The following INSYN2B variants were observed in gnomAD, a reference collection of about 807,000 sequenced individuals.
INSYN2B encodes the protein protein INSYN2B.
In INSYN2B, 16 loss-of-function variants were observed where a neutral mutation model predicts 41.2. The ratio of observed to expected loss-of-function variants is 0.39; its 90% CI spans 0.26 to 0.59. The LOEUF is 0.59. Ranked by LOEUF, INSYN2B falls within the 20% of genes least tolerant of loss-of-function variation. The pLI, the probability that INSYN2B is intolerant of heterozygous loss-of-function variation, is 0.57. For missense variants in INSYN2B, 608 were observed against 646.4 expected (o/e 0.94, Z 0.64); for synonymous variants, 245 against 244.4 (o/e 1.00, Z -0.02).
intron 3 of INSYN2B, 123 bp from the exon 4 acceptor site, chr5:169,864,582 G>A (rs1240984834): frequency 2.7e-6 from 2 of 754,282 alleles, no homozygotes; most frequent in African/African-American, 1.8e-5. Context: ...AGATCCTTAG[G>A]TACCTACTGG....
intron 1 of INSYN2B, among the ~76,000 whole-genome samples, chr5:169,924,964 T>C (rs1561828307): frequency 6.6e-6 from 1 of 152,216 alleles, no homozygotes; most frequent in Admixed American, 6.5e-5. Flanking sequence ...TTCCTGGGGA[T>C]GTTCCAATCT....
chr5:169,875,218 A>G (rs565274547), intron 3 of INSYN2B: 108 of 456,480 alleles, frequency 2.4e-4, no homozygotes, highest in Admixed American at 7.8e-4. Context: ...TGAACCAACC[A>G]TTCCCAGGGA....
intron 3 of INSYN2B, among the ~76,000 whole-genome samples, chr5:169,870,151 C>T (rs1397648250): frequency 6.6e-6 from 1 of 152,132 alleles, no homozygotes; most frequent in Non-Finnish European, 1.5e-5. Context: ...CCTTCACATC[C>T]AAGGAGATGT....
chr5:169,901,213 G>A (rs1033954654), intron 1 of INSYN2B, among the ~76,000 whole-genome samples: 20 of 152,200 alleles, frequency 1.3e-4, no homozygotes, highest in African/African-American at 4.6e-4. Flanking sequence ...CCAGGCAAAC[G>A]AACATTGTGC....
chr5:169,875,687 C>G (rs1247523706), intron 3 of INSYN2B: 3 of 171,798 alleles, frequency 1.7e-5, no homozygotes, highest in African/African-American at 7.2e-5. Flanking sequence ...TTTAATCAAT[C>G]TCATCATTGT....
intron 3 of INSYN2B, among the ~76,000 whole-genome samples, chr5:169,879,910 A>T (rs550980900): frequency 5.8e-4 from 89 of 152,298 alleles, no homozygotes; most frequent in African/African-American, 1.9e-3. Flanking sequence ...AAAATACATT[A>T]TCTGGCTCCG....
intron 1 of INSYN2B, among the ~76,000 whole-genome samples, chr5:169,945,860 G>A (rs1430296218): frequency 6.6e-6 from 1 of 152,110 alleles, no homozygotes; most frequent in Non-Finnish European, 1.5e-5. Flanking sequence ...TTCTTGACTC[G>A]TCCTTATTTG....
At chr5:169,977,863 C>T (rs1271999670) in intron 1 of INSYN2B, among the ~76,000 whole-genome samples, 2 of 152,140 alleles carry the variant, frequency 1.3e-5, no homozygotes, top group African/African-American at 4.8e-5. Context: ...CCAAAGCCTC[C>T]CACTTCCAGT....
intron 1 of INSYN2B, among the ~76,000 whole-genome samples, chr5:169,929,343 C>G (rs1775629032): frequency 6.6e-6 from 1 of 152,094 alleles, no homozygotes. Flanking sequence ...CAGACAAATC[C>G]CATAGCTTTT....
chr5:169,951,747 T>C (rs1776676351), intron 1 of INSYN2B, among the ~76,000 whole-genome samples: 1 of 152,228 alleles, frequency 6.6e-6, no homozygotes, highest in Admixed American at 6.5e-5. Context: ...GCTCAAGTTT[T>C]GACTTATATT....
intron 1 of INSYN2B, among the ~76,000 whole-genome samples, chr5:169,928,218 C>A (rs1156885316): frequency 6.6e-6 from 1 of 152,198 alleles, no homozygotes; most frequent in Non-Finnish European, 1.5e-5. Flanking sequence ...AGCCTCAATG[C>A]ACCAGCAGGA....
intron 1 of INSYN2B, among the ~76,000 whole-genome samples, chr5:169,909,351 T>A (rs1336907713): frequency 6.6e-6 from 1 of 152,216 alleles, no homozygotes; most frequent in Non-Finnish European, 1.5e-5. Context: ...TAGCACTGGA[T>A]CAGAGTGATT....
At chr5:169,954,880 A>T (rs772873494) in intron 1 of INSYN2B, among the ~76,000 whole-genome samples, 6 of 152,166 alleles carry the variant, frequency 3.9e-5, no homozygotes, top group Non-Finnish European at 7.3e-5. Flanking sequence ...AGTGACTTGA[A>T]CCCACAGCCA....
chr5:169,883,810 C>A lies in INSYN2B; in HGVS notation c.89G>T (p.Arg30Leu). The A allele has an allele frequency of 6.4e-7, 1 of 1,550,724 alleles. No homozygotes were observed. The highest frequency in any genetic ancestry group is 1.2e-5 in the South Asian group (1 of 83,960). Reference sequence around the variant, plus strand: ...TCTCACCTGCTGGGATTTGCTCCTGCGGTGGTGAGGTTGTTTCACAAACTC... The same window carrying A: ...TCTCACCTGCTGGGATTTGCTCCTGAGGTGGTGAGGTTGTTTCACAAACTC... The part of the protein sequence containing the change: ...SVEFVKQPHH[R>L]RSKSQQVRFK... The change falls in exon 2 of 4, where the codon CGC (arginine) becomes CTC (leucine). Residue 30 changes from arginine to leucine, a missense_variant. Arg to Leu is a moderately radical substitution (Grantham distance 102). Coordinates refer to ENST00000377365, the MANE Select transcript of INSYN2B (RefSeq NM_001129891.3).
intron 1 of INSYN2B, among the ~76,000 whole-genome samples, chr5:169,978,367 C>T (rs1327030502): frequency 9.9e-6 from 1 of 101,404 alleles, no homozygotes; most frequent in Non-Finnish European, 1.7e-5. Flanking sequence ...GGGGTCCTGG[C>T]TCTGTGTATG....
chr5:169,893,246 C>A (rs1773400290), intron 1 of INSYN2B, among the ~76,000 whole-genome samples: 1 of 152,228 alleles, frequency 6.6e-6, no homozygotes, highest in East Asian at 1.9e-4. Context: ...TTGGCTGCTG[C>A]TGCTGCTGCT....
chr5:169,891,971 G>A (rs1415017526), intron 1 of INSYN2B, among the ~76,000 whole-genome samples: 11 of 149,214 alleles, frequency 7.4e-5, no homozygotes, highest in Admixed American at 6.7e-4. Context: ...ACTCCAGCCT[G>A]GGCAACAGTG....
intron 1 of INSYN2B, among the ~76,000 whole-genome samples, chr5:169,912,794 A>G (rs1466750977): frequency 6.6e-6 from 1 of 152,186 alleles, no homozygotes; most frequent in Non-Finnish European, 1.5e-5. Context: ...CAGCAGGAGC[A>G]GCAGTATAAC....
Position 169,863,394 on chromosome 5 carries a change from G to A in INSYN2B, c.*879C>T, listed in dbSNP as rs576590331. Among the ~76,000 whole-genome samples, 1 of 152,320 alleles carries A rather than the reference G, an allele frequency of 6.6e-6. No homozygotes were observed. The highest frequency in any genetic ancestry group is 2.1e-4 in the South Asian group (1 of 4,826). The stretch of plus-strand genomic sequence containing the variant: ...ATGTTACTCATAAGATGTAACTGAT[G>A]GACAGGTTGCTGGATCTCATGATTT... On this transcript the variant is annotated 3_prime_UTR_variant, in exon 4 of 4. Transcript: ENST00000377365.
Sources: gnomAD v4.1 joint callset for allele counts (sites outside exome capture counted in the v4.1 genomes callset) on GRCh38, gnomAD v4.1.1 for gene constraint, MANE v1.5 for transcripts, NCBI Gene and HGNC (gene_info 2026-07-23, HGNC 2026-07-21) for gene names.